The following PLCXD3 variants were observed in gnomAD, a reference collection of about 807,000 sequenced individuals.
PLCXD3 encodes the protein PI-PLC X domain-containing protein 3.
PLCXD3 carries 19 observed loss-of-function variants against 25.5 expected under a neutral mutation model. The ratio of observed to expected loss-of-function variants is 0.75; its 90% CI spans 0.52 to 1.09. The LOEUF (loss-of-function observed/expected upper bound fraction) is 1.09, where lower values mean the gene tolerates loss of function less well. Ranked by LOEUF, PLCXD3 falls within the 50% of genes least tolerant of loss-of-function variation. PLCXD3 has a pLI of 0.00. For synonymous variants in PLCXD3, 174 were observed against 137.6 expected, an observed-to-expected ratio of 1.26 and a Z score of -1.85; for missense variants, 411 against 388.1, an observed-to-expected ratio of 1.06 and a Z score of -0.50.
At chr5:41,315,874 G>A (rs1041644166) in intron 2 of PLCXD3, among the ~76,000 whole-genome samples, 11 of 152,330 alleles carry the variant, frequency 7.2e-5, no homozygotes, top group South Asian at 2.1e-4. Context: ...TAGCCAGAGA[G>A]GGAATCACAG....
chr5:41,349,491 T>C (rs1292707144), intron 2 of PLCXD3, among the ~76,000 whole-genome samples: 1 of 152,190 alleles, frequency 6.6e-6, no homozygotes, highest in Non-Finnish European at 1.5e-5. Flanking sequence ...CAAGTTGTGT[T>C]AAAAGGACAT....
intron 1 of PLCXD3, among the ~76,000 whole-genome samples, chr5:41,453,074 T>C (rs1747672656): frequency 6.6e-6 from 1 of 151,992 alleles, no homozygotes; most frequent in South Asian, 2.1e-4. Context: ...TAATTAACTA[T>C]AGTCACCATG....
chr5:41,452,867 T>C (rs1477675736), intron 1 of PLCXD3, among the ~76,000 whole-genome samples: 1 of 152,082 alleles, frequency 6.6e-6, no homozygotes. Context: ...TTTCTTGTTT[T>C]TCTTCGTTTT....
chr5:41,381,863 CT>C lies in PLCXD3; in HGVS notation c.774del (p.Val260TrpfsTer17). The part of the protein sequence containing the change: ...VLTPKASTVV[K>X]GVASGLRETI... ...GTTTCTCTGAGGCCACTTGCCACCC[CT>C]TTGACCACAGTGCTAGCTTTGGGGG... On this transcript the variant is annotated frameshift_variant, in exon 2 of 3. Transcript: ENST00000377801. LOFTEE classifies it high-confidence loss of function. The C allele has an allele frequency of 6.2e-7, 1 of 1,612,602 alleles. No individual in the cohort carries two copies. The highest frequency in any genetic ancestry group is 8.5e-7 in the Non-Finnish European group (1 of 1,179,524).
intron 2 of PLCXD3, among the ~76,000 whole-genome samples, chr5:41,323,052 G>A (rs982041923): frequency 6.6e-6 from 1 of 151,908 alleles, no homozygotes; most frequent in African/African-American, 2.4e-5. Context: ...AAAGGAATAA[G>A]ATTCAGTCAT....
At chr5:41,364,810 A>G (rs1744890028) in intron 2 of PLCXD3, among the ~76,000 whole-genome samples, 1 of 152,222 alleles carries the variant, frequency 6.6e-6, no homozygotes, top group African/African-American at 2.4e-5. Flanking sequence ...GGTTACTTCA[A>G]TAAGGGAGGG....
chr5:41,456,453 A>G (rs1429235816), intron 1 of PLCXD3: 3 of 597,072 alleles, frequency 5.0e-6, no homozygotes, highest in Non-Finnish European at 6.3e-6. Context: ...AGATAAATTC[A>G]GGATAGAAAA....
At chr5:41,455,270 T>C (rs1747727410) in intron 1 of PLCXD3, among the ~76,000 whole-genome samples, 1 of 151,992 alleles carries the variant, frequency 6.6e-6, no homozygotes, top group South Asian at 2.1e-4. Context: ...TAGCTCATGG[T>C]AATTTGTTAC....
chr5:41,493,274 C>T (rs532548997), intron 1 of PLCXD3, among the ~76,000 whole-genome samples: 9 of 152,312 alleles, frequency 5.9e-5, no homozygotes, highest in African/African-American at 2.2e-4. Context: ...ATGCTGCTGT[C>T]TGATCGTTCC....
At chr5:41,339,680 G>T (rs2150477258) in intron 2 of PLCXD3, among the ~76,000 whole-genome samples, 1 of 152,222 alleles carries the variant, frequency 6.6e-6, no homozygotes, top group African/African-American at 2.4e-5. Context: ...ATGTCATATG[G>T]AAGAGAAGCA....
intron 2 of PLCXD3, among the ~76,000 whole-genome samples, chr5:41,361,290 C>A (rs1256807385): frequency 1.3e-5 from 2 of 152,208 alleles, no homozygotes; most frequent in Admixed American, 6.5e-5. Context: ...TATTTCCAGG[C>A]AGCCAATGCC....
chr5:41,471,187 A>G (rs926880987), intron 1 of PLCXD3, among the ~76,000 whole-genome samples: 3 of 152,166 alleles, frequency 2.0e-5, no homozygotes, highest in Admixed American at 6.5e-5. Flanking sequence ...TACACAAACA[A>G]AGCACCTTCA....
intron 2 of PLCXD3, among the ~76,000 whole-genome samples, chr5:41,352,437 G>T (rs1245423581): frequency 6.6e-6 from 1 of 152,172 alleles, no homozygotes; most frequent in Admixed American, 6.5e-5. Flanking sequence ...CTGGGTTCAT[G>T]AGGGCAGGGA....
intron 1 of PLCXD3, among the ~76,000 whole-genome samples, chr5:41,408,129 G>C (rs1343809352): frequency 6.6e-6 from 1 of 152,128 alleles, no homozygotes; most frequent in East Asian, 1.9e-4. Context: ...AAAAGAGCTT[G>C]CTCCCATTGC....
chr5:41,397,247 C>T (rs1746035414), intron 1 of PLCXD3, among the ~76,000 whole-genome samples: 1 of 152,148 alleles, frequency 6.6e-6, no homozygotes, highest in African/African-American at 2.4e-5. Flanking sequence ...AGGCACAGGG[C>T]CTTGCTGCTC....
intron 2 of PLCXD3, among the ~76,000 whole-genome samples, chr5:41,337,175 C>A (rs1744006998): frequency 6.6e-6 from 1 of 152,138 alleles, no homozygotes; most frequent in Non-Finnish European, 1.5e-5. Context: ...ACCGTACATA[C>A]CCACGTGGGT....
intron 2 of PLCXD3, among the ~76,000 whole-genome samples, chr5:41,372,693 C>T (rs576794280): frequency 1.2e-4 from 18 of 152,020 alleles, no homozygotes; most frequent in African/African-American, 3.4e-4. Context: ...TCTTGAGCCC[C>T]GCCACCAACT....
At chr5:41,316,665 C>T (rs1316433923) in intron 2 of PLCXD3, among the ~76,000 whole-genome samples, 4 of 152,132 alleles carry the variant, frequency 2.6e-5, no homozygotes, top group Admixed American at 2.6e-4. Flanking sequence ...CAGCATCCAC[C>T]AGAAGCAGAC....
intron 2 of PLCXD3, among the ~76,000 whole-genome samples, chr5:41,315,312 TGGAGAG>T (rs1424834410): frequency 2.0e-5 from 3 of 149,914 alleles, no homozygotes; most frequent in Admixed American, 2.0e-4. Flanking sequence ...CTGGATGAAA[TGGAGAG>T]GGAGAGGGAG....
Sources: allele counts gnomAD v4.1 joint callset (sites outside exome capture counted in the v4.1 genomes callset), GRCh38; gene constraint gnomAD v4.1.1; transcripts MANE v1.5; gene names NCBI Gene and HGNC (gene_info 2026-07-23, HGNC 2026-07-21).